The following KCNH8 variants were observed in gnomAD, a reference collection of about 807,000 sequenced individuals.
KCNH8 encodes the protein potassium voltage-gated channel subfamily H member 8.
A neutral mutation model predicts 103.6 loss-of-function variants in KCNH8; 70 were observed. The observed-to-expected ratio is 0.68, with a 90% CI of 0.56 to 0.82. KCNH8 has a LOEUF of 0.82. Ranked by LOEUF, KCNH8 falls within the 40% of genes least tolerant of loss-of-function variation. KCNH8 has a pLI of 0.00. For missense variants in KCNH8, 1,217 were observed against 1,329.9 expected (o/e 0.92, Z 1.32); for synonymous variants, 498 against 489.4 (o/e 1.02, Z -0.23).
At chr3:19,148,873 C>T (rs554325674) in intron 1 of KCNH8, 78 bp downstream of exon 1, 246 of 1,275,758 alleles carry the variant, frequency 1.9e-4, no homozygotes, top group Non-Finnish European at 2.8e-4. Context: ...TTGCTCCCAC[C>T]TTCCCTTTTG....
chr3:19,482,030 C>T (rs927963341), intron 11 of KCNH8, among the ~76,000 whole-genome samples: 6 of 152,142 alleles, frequency 3.9e-5, no homozygotes, highest in African/African-American at 1.2e-4. Flanking sequence ...CCCGAGTGAG[C>T]AATTCTTGTC....
chr3:19,403,884 T>C (rs1418227386), intron 7 of KCNH8, among the ~76,000 whole-genome samples: 1 of 151,864 alleles, frequency 6.6e-6, no homozygotes, highest in East Asian at 1.9e-4. Context: ...GCACCTAGTA[T>C]ATATTTTATT....
intron 8 of KCNH8, among the ~76,000 whole-genome samples, chr3:19,446,453 A>C (rs893094422): frequency 1.3e-5 from 2 of 152,072 alleles, no homozygotes; most frequent in African/African-American, 4.8e-5. Context: ...TTGTGTTCAC[A>C]AATTCAGGCT....
chr3:19,472,810 C>T (rs986577210), intron 11 of KCNH8, among the ~76,000 whole-genome samples: 8 of 152,176 alleles, frequency 5.3e-5, no homozygotes, highest in African/African-American at 1.9e-4. Flanking sequence ...CTCCCATGGG[C>T]ATCAAGCATG....
intron 2 of KCNH8, among the ~76,000 whole-genome samples, chr3:19,261,228 G>C (rs529313984): frequency 6.6e-6 from 1 of 151,284 alleles, no homozygotes; most frequent in Non-Finnish European, 1.5e-5. Flanking sequence ...AGTTTAGAAG[G>C]GTTCCCTTTT....
At position 19,534,925 on chromosome 3, in the gene KCNH8, A is replaced by C. The variant is rs1371607031; in HGVS notation, c.*826A>C. On this transcript the variant is annotated 3_prime_UTR_variant, in exon 16 of 16. Transcript: ENST00000328405. ...TATTCTCATGCTTCTGGATTATAAA[A>C]GAAAAGTGAAGTCATATTTTGTTAA... 2 of 152,240 alleles carry C rather than the reference A, an allele frequency of 1.3e-5. No homozygotes were observed. Among genetic ancestry groups the C allele is most frequent in the African/African-American group, 2.4e-5 (1 of 41,464 alleles). 9.4% of individuals were successfully genotyped at this position (152,240 alleles called of 1,614,324 possible).
intron 1 of KCNH8, among the ~76,000 whole-genome samples, chr3:19,193,895 A>T (rs1312119873): frequency 6.6e-6 from 1 of 151,756 alleles, no homozygotes; most frequent in Non-Finnish European, 1.5e-5. Flanking sequence ...GTAGGTGTGA[A>T]TGTTTTTTTG....
chr3:19,510,461 C>T, intron 12 of KCNH8, 60 bp downstream of exon 12: 1 of 1,018,066 alleles, frequency 9.8e-7, no homozygotes, highest in Non-Finnish European at 1.6e-6. Context: ...ACCAATAAAT[C>T]TGTCTTGTCT....
At chr3:19,205,355 TC>T (rs2063704197) in intron 1 of KCNH8, among the ~76,000 whole-genome samples, 1 of 152,084 alleles carries the variant, frequency 6.6e-6, no homozygotes, top group Non-Finnish European at 1.5e-5. Context: ...TGAGTTCTTT[TC>T]TGAGAATTTA....
At chr3:19,262,050 TA>T (rs1352671723) in intron 2 of KCNH8, among the ~76,000 whole-genome samples, 3 of 151,904 alleles carry the variant, frequency 2.0e-5, no homozygotes, top group Admixed American at 6.6e-5. Flanking sequence ...CAAATGCTTC[TA>T]ACCTTTTTTT....
chr3:19,398,586 A>G (rs1159594983), intron 7 of KCNH8, among the ~76,000 whole-genome samples: 1 of 151,964 alleles, frequency 6.6e-6, no homozygotes. Flanking sequence ...TGAGGGATAA[A>G]GTTCCCTTTT....
chr3:19,371,313 G>A (rs1292628235), intron 5 of KCNH8, among the ~76,000 whole-genome samples: 1 of 151,868 alleles, frequency 6.6e-6, no homozygotes, highest in Non-Finnish European at 1.5e-5. Context: ...TAACTGGTGT[G>A]AGATGGTATC....
chr3:19,507,722 G>C (rs2068719625), intron 11 of KCNH8, among the ~76,000 whole-genome samples: 1 of 152,108 alleles, frequency 6.6e-6, no homozygotes, highest in African/African-American at 2.4e-5. Context: ...AAAAAGGTCT[G>C]GCTGCTTTTT....
chr3:19,399,962 T>C (rs572418179), intron 7 of KCNH8, among the ~76,000 whole-genome samples: 38 of 152,036 alleles, frequency 2.5e-4, no homozygotes, highest in African/African-American at 8.4e-4. Flanking sequence ...AGAAGTTCAA[T>C]TGTGACATTT....
At chr3:19,294,826 A>G (rs2064974679) in intron 3 of KCNH8, among the ~76,000 whole-genome samples, 1 of 152,188 alleles carries the variant, frequency 6.6e-6, no homozygotes. Context: ...TGCTTCACCA[A>G]GTCATTCCAT....
At chr3:19,413,829 C>T (rs1289265542) in intron 7 of KCNH8, among the ~76,000 whole-genome samples, 2 of 152,026 alleles carry the variant, frequency 1.3e-5, no homozygotes, top group African/African-American at 4.8e-5. Context: ...TGAAAAACAA[C>T]TCTTGTTGCA....
intron 11 of KCNH8, among the ~76,000 whole-genome samples, chr3:19,508,571 G>C (rs1278615789): frequency 2.0e-5 from 3 of 152,080 alleles, no homozygotes; most frequent in Non-Finnish European, 2.9e-5. Context: ...ACTTATCAGG[G>C]TGCTTATCAC....
At chr3:19,410,928 A>G (rs1466833408) in intron 7 of KCNH8, among the ~76,000 whole-genome samples, 1 of 151,626 alleles carries the variant, frequency 6.6e-6, no homozygotes, top group East Asian at 1.9e-4. Flanking sequence ...ACTGAATAAT[A>G]CCAGAAGTAC....
At chr3:19,434,414 T>C (rs1384796976) in intron 7 of KCNH8, among the ~76,000 whole-genome samples, 1 of 152,142 alleles carries the variant, frequency 6.6e-6, no homozygotes, top group Non-Finnish European at 1.5e-5. Context: ...ATAAAGACAC[T>C]CAGACTTCTG....
Sources: gnomAD v4.1 joint callset for allele counts (sites outside exome capture counted in the v4.1 genomes callset) on GRCh38, gnomAD v4.1.1 for gene constraint, MANE v1.5 for transcripts, NCBI Gene and HGNC (gene_info 2026-07-23, HGNC 2026-07-21) for gene names.